Variants in BEGAIN observed in about 807,000 individuals in gnomAD.
BEGAIN encodes brain enriched guanylate kinase associated.
BEGAIN carries 19 observed loss-of-function variants against 35.8 expected under a neutral mutation model. That is an observed-to-expected ratio of 0.53 (90% CI 0.37 to 0.78). BEGAIN has a LOEUF of 0.78. BEGAIN is among the 30% of genes least tolerant of loss of function. The probability of loss-of-function intolerance (pLI) is 0.00; values close to 1 mark genes in which losing one functional copy is unlikely to be tolerated. For missense variants in BEGAIN, 795 were observed against 853.6 expected (o/e 0.93, Z 0.85); for synonymous variants, 462 against 388.6 (o/e 1.19, Z -2.22).
chr14:100,546,446 GGCCCTCGCCCCGC>G lies in BEGAIN; in HGVS notation c.233+42_233+54del, dbSNP rs1566964431. On this transcript the variant is annotated intron_variant, in intron 3 of 6. Transcript: ENST00000554140. ...CCCGCCCCGGCCCTCGCCCCGCCCC[GGCCCTCGCCCCGC>G]CCCGGCCCTCGCCCCGCCCCGGCCC... is the stretch of plus-strand genomic sequence containing the variant. 159 of 134,948 alleles carry G rather than the reference GGCCCTCGCCCCGC, an allele frequency of 1.2e-3. 8 individuals are homozygous for G. Among genetic ancestry groups the G allele is most frequent in the Admixed American group, 4.6e-3 (23 of 4,980 alleles). The allele number at this position is 134,948 out of a possible 1,614,324, so 8.4% of individuals were successfully genotyped here.
In BEGAIN at chr14:100,581,163, T is replaced by C. The variant is rs187649380; in HGVS notation, c.42+6086A>G. On this transcript the variant is annotated intron_variant, in intron 1 of 6. Coordinates refer to ENST00000554140, the MANE Select transcript of BEGAIN (RefSeq NM_001385089.1). ...TGGGCATGGGGCAGTACTCAGCCCA[T>C]GGCAGTGCTGGGAAGTGGCATGAGC... Among the ~76,000 whole-genome samples the C allele has an allele frequency of 3.7e-3, 564 of 152,286 alleles. 1 individual carries two copies. Among genetic ancestry groups the C allele is most frequent in the Non-Finnish European group, 6.8e-3 (462 of 68,018 alleles).
In BEGAIN at chr14:100,567,004, G is replaced by C. The variant is rs999929767; in HGVS notation, c.71+907C>G. ...GGCCCAGGCTGGGCTCTGCTCCTTG[G>C]GGGAGGGATGCTCCTCTACCCGGCC... On this transcript the variant is annotated intron_variant, in intron 2 of 6. Transcript: ENST00000554140. This position sits in a 1 kb window ranked among gnomAD's most constrained non-coding sequence, Gnocchi z 5.1. 1.2e-4 allele frequency among the ~76,000 whole-genome samples: 19 copies of C among 152,206 alleles called. No individual in the cohort carries two copies. Among genetic ancestry groups the C allele is most frequent in the African/African-American group, 4.6e-4 (19 of 41,458 alleles).
Position 100,537,189 on chromosome 14 carries a change from T to C in BEGAIN, c.*780A>G, listed in dbSNP as rs1442298751. ...TTTTATTAATGAATGCAAAATACAG[T>C]ACTAACTGGCAGGGCATGCATCAGA... On this transcript the variant is annotated 3_prime_UTR_variant, in exon 7 of 7. Transcript: ENST00000554140. The C allele has an allele frequency of 3.3e-5, 5 of 152,416 alleles. No individual in the cohort carries two copies. The highest frequency in any genetic ancestry group is 4.8e-5 in the African/African-American group (2 of 41,366). 9.4% of individuals were successfully genotyped at this position (152,416 alleles called of 1,614,324 possible). A position where few individuals can be genotyped will look rare whatever the true frequency, so the allele number is the denominator to read the frequency against.
At position 100,546,534 on chromosome 14, in the gene BEGAIN, T is replaced by G. The variant is rs1432426855; in HGVS notation, c.200A>C (p.Glu67Ala). The G allele has an allele frequency of 2.5e-6, 4 of 1,573,398 alleles. No homozygotes were observed. The change falls in exon 3 of 7, where the codon GAG becomes GCG. Residue 67 changes from glutamate (E) to alanine (A), a missense_variant. Physicochemically the swap from Glu to Ala is moderately radical, Grantham distance 107 (BLOSUM62 -1). Around this residue, in one of 3 missense-constraint regions of BEGAIN, gnomAD observed 73 missense variants for 143.2 expected, o/e 0.51. Coordinates refer to ENST00000554140, the MANE Select transcript of BEGAIN (RefSeq NM_001385089.1). ...CTTCTCCGTGACCTTCTCCAGTTCC[T>G]CCTGCGCGCGCCGCAGCTCGATCTC... ...YLEIELRRAQ[E>A]ELEKVTEKLR...
chr14:100,577,764 G>C, intron 1 of BEGAIN: 1 of 399,164 alleles, frequency 2.5e-6, no homozygotes, highest in Non-Finnish European at 4.4e-6. Flanking sequence ...GAGCTGCCCA[G>C]CGGTGGCAAG....
At chr14:100,569,324 T>C (rs1566978514) in intron 1 of BEGAIN, 2 of 152,328 alleles carry the variant, frequency 1.3e-5, no homozygotes, top group East Asian at 1.9e-4. Flanking sequence ...ACCACAAGCC[T>C]GGACCCCTCC....
chr14:100,584,789 G>A (rs2035397589), intron 1 of BEGAIN, among the ~76,000 whole-genome samples: 14 of 152,134 alleles, frequency 9.2e-5, no homozygotes. Context: ...CAGGGCTGCA[G>A]ACCTCCGTCC....
chr14:100,546,588 GT>G lies in BEGAIN; in HGVS notation c.145del (p.Thr49ProfsTer63), dbSNP rs1220198963. ...GTAGTGGCGCGTGGAGTCGAACTCG[GT>G]CTCGAGCTTCTCGAGCTTGTGTGTG... Reference protein sequence around the residue: ...YTTHKLEKLETEFDSTRHYLE... With the variant: ...YTTHKLEKLEXEFDSTRHYLE... On this transcript the variant is annotated frameshift_variant, in exon 3 of 7. Transcript: ENST00000554140. LOFTEE classifies it high-confidence loss of function. 1 of 1,593,138 alleles carries G rather than the reference GT, an allele frequency of 6.3e-7. No homozygotes were observed. Among genetic ancestry groups the G allele is most frequent in the Non-Finnish European group, 8.5e-7 (1 of 1,172,708 alleles).
At chr14:100,585,831 T>A (rs944142390) in intron 1 of BEGAIN, among the ~76,000 whole-genome samples, 1 of 152,142 alleles carries the variant, frequency 6.6e-6, no homozygotes, top group Non-Finnish European at 1.5e-5. Context: ...CGCGGAGCCT[T>A]GGAATCTATA....
intron 2 of BEGAIN, among the ~76,000 whole-genome samples, chr14:100,564,549 A>G (rs1031862932): frequency 1.3e-5 from 2 of 152,134 alleles, no homozygotes; most frequent in Non-Finnish European, 2.9e-5. Context: ...GGACTTGGTA[A>G]TATCTATAAA....
chr14:100,565,901 C>A (rs1024898045), intron 2 of BEGAIN, among the ~76,000 whole-genome samples: 3 of 152,248 alleles, frequency 2.0e-5, no homozygotes, highest in African/African-American at 7.2e-5. Context: ...GACCCCAAAC[C>A]CTGTGCCCTT....
rs140812237 is a variant in BEGAIN, at chr14:100,555,940, T to G, written c.72-9278A>C. 9.8e-3 allele frequency among the ~76,000 whole-genome samples: 1,489 copies of G among 152,258 alleles called. 22 individuals carry two copies. The highest frequency in any genetic ancestry group is 0.084 in the South Asian group (404 of 4,824). ...TCATCACCATGGCCGCTGGCTGTTG[T>G]GCAGCTGCCCCTGGGGGAAAGACAC... On this transcript the variant is annotated intron_variant, in intron 2 of 6. Coordinates refer to ENST00000554140, the MANE Select transcript of BEGAIN (RefSeq NM_001385089.1).
intron 2 of BEGAIN, among the ~76,000 whole-genome samples, chr14:100,565,355 C>T (rs1006979405): frequency 1.3e-5 from 2 of 152,208 alleles, no homozygotes; most frequent in East Asian, 1.9e-4. Flanking sequence ...GGAAGCAGGG[C>T]GACAGCATGG....
At position 100,538,839 on chromosome 14, in the gene BEGAIN, G is replaced by A; in HGVS notation, c.969C>T (p.Ser323=). The change falls in exon 7 of 7, where the codon AGC becomes AGT. Residue 323 remains serine (S), a synonymous_variant. Transcript: ENST00000554140. ...LPTSSSYSSF[S]ATSEEKEHAQ... ...CGTGCTCCTTCTCCTCCGACGTGGCGCTGAAGCTGGAGTAGGAGCTGGACG... is the reference window on the plus strand; with the variant it reads ...CGTGCTCCTTCTCCTCCGACGTGGCACTGAAGCTGGAGTAGGAGCTGGACG... 1 of 1,605,754 alleles carries A rather than the reference G, an allele frequency of 6.2e-7. No homozygotes were observed. Among genetic ancestry groups the A allele is most frequent in the East Asian group, 2.2e-5 (1 of 44,522 alleles).
At chr14:100,579,764 A>G (rs2035277770) in intron 1 of BEGAIN, among the ~76,000 whole-genome samples, 1 of 152,166 alleles carries the variant, frequency 6.6e-6, no homozygotes. Flanking sequence ...CAGCCACCCA[A>G]GACAGGAACA....
intron 2 of BEGAIN, among the ~76,000 whole-genome samples, chr14:100,554,958 G>A (rs1799721288): frequency 6.6e-6 from 1 of 152,256 alleles, no homozygotes; most frequent in South Asian, 2.1e-4. Flanking sequence ...GCACCCCTCA[G>A]TGCCTAGAGC....
Position 100,539,073 on chromosome 14 carries a change from G to A in BEGAIN, c.735C>T (p.Ile245=). 3 of 1,612,632 alleles carry A rather than the reference G, an allele frequency of 1.9e-6. No individual in the cohort carries two copies. The highest frequency in any genetic ancestry group is 2.5e-6 in the Non-Finnish European group (3 of 1,179,590). Residue 245 remains isoleucine, a synonymous_variant, in exon 7 of 7, where the codon ATC becomes ATT. Coordinates refer to ENST00000554140, the MANE Select transcript of BEGAIN (RefSeq NM_001385089.1). ...PGPRPPYKGD[I]YCSDTALYCP... ...AGTAGAGGGCTGTGTCACTGCAGTA[G>A]ATGTCTCCCTTGTAGGGGGGCCGCG...
intron 1 of BEGAIN, among the ~76,000 whole-genome samples, chr14:100,570,986 G>T (rs1190989816): frequency 1.3e-5 from 2 of 152,108 alleles, no homozygotes; most frequent in Non-Finnish European, 2.9e-5. Flanking sequence ...AGTCTGTGGG[G>T]TGCCCCAGGG....
intron 3 of BEGAIN, 158 bp downstream of exon 3, chr14:100,546,327 GGGCCCTGCCCCACCCC>G (rs1233410088): frequency 3.0e-5 from 15 of 508,280 alleles, no homozygotes; most frequent in South Asian, 2.8e-4. Context: ...TCCGGGCCTC[GGGCCCTGCCCCACCCC>G]GGCCCTCGCC....
Sources: allele counts gnomAD v4.1 joint callset (sites outside exome capture counted in the v4.1 genomes callset), GRCh38; gene constraint gnomAD v4.1.1; regional missense constraint gnomAD v4.1.1; non-coding constraint Gnocchi (gnomAD v3.1); transcripts MANE v1.5; gene names NCBI Gene and HGNC (gene_info 2026-07-23, HGNC 2026-07-21).